VWA5B1: variants seen among roughly 807,000 people sequenced by gnomAD.
The protein encoded by VWA5B1 is von Willebrand factor A domain-containing protein 5B1.
Under a neutral mutation model 118.2 loss-of-function variants are expected in VWA5B1, and 115 were observed. That is an observed-to-expected ratio of 0.97 (90% CI 0.84 to 1.14). The LOEUF (loss-of-function observed/expected upper bound fraction) is 1.14, where lower values mean the gene tolerates loss of function less well. Ranked by LOEUF, VWA5B1 falls within the 50% of genes most tolerant of loss-of-function variation. The pLI, the probability that VWA5B1 is intolerant of heterozygous loss-of-function variation, is 0.00. For missense variants in VWA5B1, 1,596 were observed against 1,603.8 expected, an observed-to-expected ratio of 1.00 and a Z score of 0.08; for synonymous variants, 682 against 658.4, an observed-to-expected ratio of 1.04 and a Z score of -0.55.
intron 7 of VWA5B1, among the ~76,000 whole-genome samples, chr1:20,322,767 A>G (rs901820181): frequency 7.9e-5 from 12 of 152,198 alleles, no homozygotes; most frequent in African/African-American, 2.9e-4. Flanking sequence ...GCAACGACTC[A>G]GTGAGGTATG....
rs762887442 is a variant in VWA5B1, at chr1:20,330,285, C to G, written c.1360C>G (p.Arg454Gly). The G allele has an allele frequency of 1.9e-6, 3 of 1,551,662 alleles. No homozygotes were observed. The highest frequency in any genetic ancestry group is 1.7e-4 in the Middle Eastern group (1 of 6,016). Residue 454 changes from arginine to glycine, a missense_variant, in exon 10 of 22, where the codon CGA (arginine) becomes GGA (glycine). Coordinates refer to ENST00000289815, the MANE Select transcript of VWA5B1 (RefSeq NM_001039500.3). ...LKWVIRQPVH[R>G]GHPRLLFVIT... ...GTGGGTCATCAGGCAGCCAGTGCAC[C>G]GAGGCCACCCGCGGCTCCTCTTCGT...
chr1:20,317,748 GGGT>G, intron 5 of VWA5B1, 73 bp downstream of exon 5: 14 of 1,380,296 alleles, frequency 1.0e-5, no homozygotes, highest in South Asian at 1.4e-5. Flanking sequence ...GATGGGACGG[GGGT>G]GGGAAGGAAA....
At chr1:20,326,782 T>C (rs955855409) in intron 8 of VWA5B1, among the ~76,000 whole-genome samples, 2 of 152,134 alleles carry the variant, frequency 1.3e-5, no homozygotes, top group African/African-American at 4.8e-5. Flanking sequence ...GTCATTAGTC[T>C]TAGGTTTTGC....
chr1:20,342,114 GTTTAAAC>G lies in VWA5B1; in HGVS notation c.2134-313_2134-307del, dbSNP rs540627323. Among the ~76,000 whole-genome samples, 93 of 139,426 alleles carry G rather than the reference GTTTAAAC, an allele frequency of 6.7e-4. No individual in the cohort carries two copies. The East Asian group carries it at 0.02, about 29-fold the overall frequency. 91.5% of individuals were successfully genotyped at this position (139,426 alleles called of 152,430 possible). A position where few individuals can be genotyped will look rare whatever the true frequency, so the allele number is the denominator to read the frequency against. Reference sequence around the variant, plus strand: ...TAATTTTAACCATACACACAAAACAGTTTAAACTTTATGGCAAAAAAAAAAAAAAAGT... The same window carrying G: ...TAATTTTAACCATACACACAAAACAGTTTATGGCAAAAAAAAAAAAAAAGT... On this transcript the variant is annotated intron_variant, in intron 14 of 21. Coordinates refer to ENST00000289815, the MANE Select transcript of VWA5B1 (RefSeq NM_001039500.3).
intron 5 of VWA5B1, 139 bp downstream of exon 5, chr1:20,317,814 C>G (rs1026918245): frequency 2.7e-5 from 31 of 1,142,676 alleles, no homozygotes; most frequent in Non-Finnish European, 3.2e-5. Context: ...CTGTGGACCC[C>G]CATTTCCCAT....
chr1:20,350,977 G>A (rs931515227), intron 20 of VWA5B1, 51 bp downstream of exon 20: 36 of 1,532,810 alleles, frequency 2.3e-5, no homozygotes, highest in Middle Eastern at 3.4e-4. Context: ...CATTTTCCTG[G>A]GGTGGTCCCT....
Position 20,330,398 on chromosome 1 carries a change from G to A in VWA5B1, c.1457+16G>A, listed in dbSNP as rs1023256051. ...TCTCCACCAGGTCGGCCTTGGCTGA[G>A]GGTCTAGGCTCGGTGACTCCAGGCT... is the stretch of plus-strand genomic sequence containing the variant. On this transcript the variant is annotated intron_variant, in intron 10 of 21. Coordinates refer to ENST00000289815, the MANE Select transcript of VWA5B1 (RefSeq NM_001039500.3). 2 of 1,551,326 alleles carry A rather than the reference G, an allele frequency of 1.3e-6. No individual in the cohort carries two copies. Among genetic ancestry groups the A allele is most frequent in the Admixed American group, 2.0e-5 (1 of 51,004 alleles).
At chr1:20,303,111 A>G (rs1375265819) in intron 1 of VWA5B1, 1 of 152,156 alleles carries the variant, frequency 6.6e-6, no homozygotes, top group African/African-American at 2.4e-5. Context: ...GCTATTGGTG[A>G]TTGGGTGGCC....
At chr1:20,311,981 G>A (rs944551049) in intron 2 of VWA5B1, among the ~76,000 whole-genome samples, 4 of 152,220 alleles carry the variant, frequency 2.6e-5, no homozygotes, top group Admixed American at 2.6e-4. Context: ...ACGTGCAGAA[G>A]GAACAAGTGC....
intron 7 of VWA5B1, among the ~76,000 whole-genome samples, chr1:20,320,661 C>G (rs2089182037): frequency 6.6e-6 from 1 of 152,222 alleles, no homozygotes; most frequent in Admixed American, 6.5e-5. Context: ...GGTGGTTATG[C>G]AAATAGCCCG....
intron 8 of VWA5B1, among the ~76,000 whole-genome samples, chr1:20,325,225 T>C (rs2089342220): frequency 6.6e-6 from 1 of 152,204 alleles, no homozygotes; most frequent in Non-Finnish European, 1.5e-5. Flanking sequence ...ACTGTTCCAC[T>C]AAAAAATTCT....
chr1:20,343,473 A>G, intron 16 of VWA5B1, 80 bp downstream of exon 16: 2 of 1,118,122 alleles, frequency 1.8e-6, no homozygotes, highest in Non-Finnish European at 2.3e-6. Context: ...CCCCTTCCCC[A>G]CCCGCCCCCG....
At chr1:20,300,893 G>A (rs1295502752) in intron 1 of VWA5B1, among the ~76,000 whole-genome samples, 1 of 152,254 alleles carries the variant, frequency 6.6e-6, no homozygotes, top group African/African-American at 2.4e-5. Flanking sequence ...GGTATAGCCA[G>A]ACCATATGTG....
intron 8 of VWA5B1, 62 bp from the exon 9 acceptor site, chr1:20,327,828 T>C: frequency 7.5e-7 from 1 of 1,340,330 alleles, no homozygotes. Context: ...AATATTGGAG[T>C]GCAGTGGCCG....
intron 1 of VWA5B1, among the ~76,000 whole-genome samples, chr1:20,296,778 C>G (rs1477749571): frequency 1.3e-5 from 2 of 152,298 alleles, no homozygotes; most frequent in South Asian, 4.1e-4. Flanking sequence ...TTCATTCACC[C>G]TTTCCTATGA....
At chr1:20,318,799 G>GC in intron 6 of VWA5B1, 78 bp downstream of exon 6, 11 of 1,409,050 alleles carry the variant, frequency 7.8e-6, no homozygotes, top group Non-Finnish European at 7.4e-6. Flanking sequence ...AGAACATGTG[G>GC]CCCCCCGCCC....
chr1:20,333,498 GC>G (rs1222260227), intron 12 of VWA5B1, among the ~76,000 whole-genome samples: 1 of 152,154 alleles, frequency 6.6e-6, no homozygotes, highest in Admixed American at 6.6e-5. Flanking sequence ...AGAATGCAGA[GC>G]CCTAGCTTCC....
chr1:20,309,719 G>T (rs998088736), intron 1 of VWA5B1, among the ~76,000 whole-genome samples: 9 of 152,150 alleles, frequency 5.9e-5, no homozygotes, highest in African/African-American at 1.9e-4. Flanking sequence ...TGTCCAGAAT[G>T]TTTGTTCTGG....
chr1:20,338,031 A>G, intron 14 of VWA5B1, 195 bp downstream of exon 14: 1 of 729,956 alleles, frequency 1.4e-6, no homozygotes, highest in Middle Eastern at 2.3e-4. Context: ...CCACCGGTCA[A>G]TAAGCTCGCT....
Sources: allele counts gnomAD v4.1 joint callset (sites outside exome capture counted in the v4.1 genomes callset), GRCh38; gene constraint gnomAD v4.1.1; transcripts MANE v1.5; gene names NCBI Gene and HGNC (gene_info 2026-07-23, HGNC 2026-07-21).